Variants in SETD5 observed in about 807,000 individuals in gnomAD.
SETD5 encodes SET domain containing 5, also known as histone-lysine N-methyltransferase SETD5.
A neutral mutation model predicts 153.3 loss-of-function variants in SETD5; 44 were observed. That is an observed-to-expected ratio of 0.29 (90% CI 0.23 to 0.37). The LOEUF (loss-of-function observed/expected upper bound fraction) is 0.37. Ranked by LOEUF, SETD5 falls within the 10% of genes least tolerant of loss-of-function variation. SETD5 has a pLI of 1.00. For synonymous variants in SETD5, 716 were observed against 645.2 expected (o/e 1.11, Z -1.66); for missense variants, 1,544 against 1,768.0 (o/e 0.87, Z 2.27).
chr3:9,473,575 G>T (rs1471820946), intron 20 of SETD5, 38 bp downstream of exon 20: 1 of 1,548,320 alleles, frequency 6.5e-7, no homozygotes, highest in South Asian at 1.2e-5. Flanking sequence ...TAAATTGGGG[G>T]TGGGGGGGAG....
chr3:9,412,390 T>TG (rs1299720535), intron 1 of SETD5, among the ~76,000 whole-genome samples: 5 of 131,932 alleles, frequency 3.8e-5, no homozygotes, highest in African/African-American at 1.2e-4. Context: ...GTTTTGGGTT[T>TG]TTTTTTTTTT....
At chr3:9,428,435 T>C (rs1004471066) in intron 2 of SETD5, among the ~76,000 whole-genome samples, 1 of 152,214 alleles carries the variant, frequency 6.6e-6, no homozygotes, top group Non-Finnish European at 1.5e-5. Context: ...ATCTTGAATT[T>C]TTAAAGAGTT....
At chr3:9,417,653 T>G (rs2037693980) in intron 1 of SETD5, among the ~76,000 whole-genome samples, 1 of 151,606 alleles carries the variant, frequency 6.6e-6, no homozygotes, top group South Asian at 2.1e-4. Flanking sequence ...GCCCAGCTAA[T>G]TTTTCGTATT....
intron 1 of SETD5, among the ~76,000 whole-genome samples, chr3:9,408,942 T>A (rs1455876950): frequency 6.6e-6 from 1 of 152,196 alleles, no homozygotes; most frequent in Non-Finnish European, 1.5e-5. Flanking sequence ...AAATAACATT[T>A]TTAATTTTAT....
Position 9,476,501 on chromosome 3 carries a change from A to C in SETD5, c.*410A>C, listed in dbSNP as rs1399147592. 1 of 162,468 alleles carries C rather than the reference A, an allele frequency of 6.2e-6. No homozygotes were observed. Among genetic ancestry groups the C allele is most frequent in the African/African-American group, 2.4e-5 (1 of 41,592 alleles). The allele number at this position is 162,468 out of a possible 1,614,324, so 10.1% of individuals were successfully genotyped here. On this transcript the variant is annotated 3_prime_UTR_variant, in exon 23 of 23. Transcript: ENST00000402198. ...AAAGTTTTCAAAGGAAAAAAAGTTA[A>C]AAGAGCCAATCTCAAAGCCCCAAGC...
chr3:9,415,828 C>T (rs532114501), intron 1 of SETD5, among the ~76,000 whole-genome samples: 3 of 150,916 alleles, frequency 2.0e-5, no homozygotes, highest in Non-Finnish European at 1.5e-5. Context: ...CCTCCCAAAG[C>T]GCTAGGATAC....
chr3:9,470,563 C>G lies in SETD5; in HGVS notation c.2829C>G (p.Asp943Glu). ...CCCTACTCAACTCAGGTCATTCTGA[C>G]CTGGCTCCTCATCCCTCCCTCGGAC... is the stretch of plus-strand genomic sequence containing the variant. ...RPSLLNSGHSDLAPHPSLGPT... is the reference protein window; with the variant it reads ...RPSLLNSGHSELAPHPSLGPT... Residue 943 changes from aspartate to glutamate, a missense_variant, in exon 19 of 23, where the codon GAC becomes GAG. Around this residue, in one of 9 missense-constraint regions of SETD5, gnomAD observed 782 missense variants for 787.2 expected, o/e 0.99. Coordinates refer to ENST00000402198, the MANE Select transcript of SETD5 (RefSeq NM_001080517.3). The G allele has an allele frequency of 6.2e-7, 1 of 1,614,004 alleles. No individual in the cohort carries two copies. Among genetic ancestry groups the G allele is most frequent in the African/African-American group, 1.3e-5 (1 of 75,046 alleles).
Position 9,437,522 on chromosome 3 carries a change from C to CGTGTGTGT in SETD5, c.567+1637_567+1644dup, listed in dbSNP as rs6147703. 5.2e-3 allele frequency among the ~76,000 whole-genome samples: 756 copies of CGTGTGTGT among 145,122 alleles called. 8 individuals carry two copies. Among genetic ancestry groups the CGTGTGTGT allele is most frequent in the African/African-American group, 0.018 (693 of 38,740 alleles). ...TTATGCTGTCTGGTATCCTCCTTTA[C>CGTGTGTGT]GTGTGTGTGTGTGTGTGTGTGTGTG... On this transcript the variant is annotated intron_variant, in intron 7 of 22. Transcript: ENST00000402198.
At position 9,425,051 on chromosome 3, in the gene SETD5, G is replaced by GTTTTTTTTTTTTTTT. The variant is rs1559380190; in HGVS notation, c.-117+528_-117+529insTTTTTTTTTTTTTTT. Among the ~76,000 whole-genome samples the GTTTTTTTTTTTTTTT allele has an allele frequency of 5.1e-4, 47 of 91,404 alleles. 1 individual carries two copies. Among genetic ancestry groups the GTTTTTTTTTTTTTTT allele is most frequent in the African/African-American group, 2.3e-3 (45 of 19,916 alleles). 60.0% of individuals were successfully genotyped at this position (91,404 alleles called of 152,430 possible). On this transcript the variant is annotated intron_variant, in intron 2 of 22. Transcript: ENST00000402198. Reference sequence around the variant, plus strand: ...ATAGAAATTTATAGTTACCGACAATGTTTCTTTTTTTTTTTTTTTTTTTTT... The same window carrying GTTTTTTTTTTTTTTT: ...ATAGAAATTTATAGTTACCGACAATGTTTTTTTTTTTTTTTTTTCTTTTTTTTTTTTTTTTTTTTT...
Position 9,473,551 on chromosome 3 carries a change from T to C in SETD5, c.3497+14T>C, listed in dbSNP as rs554865590. 3.8e-6 allele frequency: 6 copies of C among 1,596,404 alleles called. No homozygotes were observed. In the African/African-American group the frequency reaches 5.4e-5, roughly 14 times the overall value. Reference sequence around the variant, plus strand: ...CAGCAGTAGGTGGTAAGTTTATATTTGATGTTTTATAGTTAAATTGGGGGT... The same window carrying C: ...CAGCAGTAGGTGGTAAGTTTATATTCGATGTTTTATAGTTAAATTGGGGGT... On this transcript the variant is annotated intron_variant, in intron 20 of 22. Coordinates refer to ENST00000402198, the MANE Select transcript of SETD5 (RefSeq NM_001080517.3).
intron 1 of SETD5, among the ~76,000 whole-genome samples, chr3:9,418,643 A>T (rs1375464984): frequency 6.6e-6 from 1 of 151,878 alleles, no homozygotes; most frequent in Non-Finnish European, 1.5e-5. Context: ...TCTCTACTAA[A>T]AATACAATAA....
intron 1 of SETD5, among the ~76,000 whole-genome samples, chr3:9,407,849 A>G (rs1332201115): frequency 1.3e-5 from 2 of 152,022 alleles, no homozygotes; most frequent in African/African-American, 4.8e-5. Context: ...GAAAATAGAA[A>G]ATTAGCTGGG....
At chr3:9,454,818 C>G (rs1025039808) in intron 17 of SETD5, among the ~76,000 whole-genome samples, 2 of 152,014 alleles carry the variant, frequency 1.3e-5, no homozygotes, top group Admixed American at 6.6e-5. Flanking sequence ...ACCAGTTTCT[C>G]CTGCAAATAT....
At chr3:9,426,072 T>A (rs2039154795) in intron 2 of SETD5, 1 of 152,186 alleles carries the variant, frequency 6.6e-6, no homozygotes, top group Non-Finnish European at 1.5e-5. Flanking sequence ...TGAGTGTTCT[T>A]GTTTTATCAT....
rs768621431 is a variant in SETD5 at position 9,440,439 on chromosome 3, G to A, written c.568-17G>A. The A allele has an allele frequency of 7.3e-7, 1 of 1,376,016 alleles. No homozygotes were observed. Among genetic ancestry groups the A allele is most frequent in the Non-Finnish European group, 1.0e-6 (1 of 963,738 alleles). 85.2% of individuals were successfully genotyped at this position (1,376,016 alleles called of 1,614,324 possible). On this transcript the variant is annotated splice_polypyrimidine_tract_variant and intron_variant, in intron 7 of 22. Coordinates refer to ENST00000402198, the MANE Select transcript of SETD5 (RefSeq NM_001080517.3). ...ATGCATGGACTTTACTAACCTCCCTGAATTTGTTTTCTACAGAATTCTCCC... is the reference window on the plus strand; with the variant it reads ...ATGCATGGACTTTACTAACCTCCCTAAATTTGTTTTCTACAGAATTCTCCC...
At chr3:9,413,035 G>T (rs979424027) in intron 1 of SETD5, among the ~76,000 whole-genome samples, 2 of 152,038 alleles carry the variant, frequency 1.3e-5, no homozygotes, top group Non-Finnish European at 2.9e-5. Flanking sequence ...GCCCATAATA[G>T]AAAGTTTTAA....
At chr3:9,423,631 T>A (rs1049435178) in intron 1 of SETD5, among the ~76,000 whole-genome samples, 2 of 152,240 alleles carry the variant, frequency 1.3e-5, no homozygotes, top group African/African-American at 4.8e-5. Flanking sequence ...GTGTACTATT[T>A]TAAATCGTTT....
intron 2 of SETD5, among the ~76,000 whole-genome samples, chr3:9,425,174 G>A (rs2038992523): frequency 6.9e-6 from 1 of 144,856 alleles, no homozygotes; most frequent in South Asian, 2.1e-4. Flanking sequence ...CGATTCTCTT[G>A]CCTCAGCCTC....
At position 9,476,125 on chromosome 3, in the gene SETD5, G is replaced by T; in HGVS notation, c.*34G>T. 1 of 1,587,188 alleles carries T rather than the reference G, an allele frequency of 6.3e-7. No homozygotes were observed. The highest frequency in any genetic ancestry group is 8.6e-7 in the Non-Finnish European group (1 of 1,164,318). The stretch of plus-strand genomic sequence containing the variant: ...GATTTGGGCAAACAGAACTGAATGA[G>T]CCCATAGCTGCTTCCTTCCAGCTGC... On this transcript the variant is annotated 3_prime_UTR_variant, in exon 23 of 23. Coordinates refer to ENST00000402198, the MANE Select transcript of SETD5 (RefSeq NM_001080517.3).
Sources: allele counts gnomAD v4.1 joint callset (sites outside exome capture counted in the v4.1 genomes callset), GRCh38; gene constraint gnomAD v4.1.1; regional missense constraint gnomAD v4.1.1; transcripts MANE v1.5; gene names NCBI Gene and HGNC (gene_info 2026-07-23, HGNC 2026-07-21).